Variants in CLASP1 observed in about 807,000 individuals in gnomAD.
The protein encoded by CLASP1 is CLIP-associating protein 1.
A neutral mutation model predicts 192.3 loss-of-function variants in CLASP1; 38 were observed. The ratio of observed to expected loss-of-function variants is 0.20; its 90% CI spans 0.15 to 0.26. The LOEUF (loss-of-function observed/expected upper bound fraction) is 0.26. CLASP1 is among the 10% of genes least tolerant of loss of function. The pLI is 1.00. For synonymous variants in CLASP1, 691 were observed against 712.8 expected, an observed-to-expected ratio of 0.97 and a Z score of 0.49; for missense variants, 1,433 against 1,932.5, an observed-to-expected ratio of 0.74 and a Z score of 4.85.
chr2:121,517,395 A>G (rs2094327891), intron 6 of CLASP1, among the ~76,000 whole-genome samples: 1 of 152,236 alleles, frequency 6.6e-6, no homozygotes, highest in South Asian at 2.1e-4. Context: ...ACAGTGTTAC[A>G]TGACAGGTAA....
intron 33 of CLASP1, among the ~76,000 whole-genome samples, chr2:121,379,167 CCCAG>C (rs2071002056): frequency 6.6e-6 from 1 of 151,034 alleles, no homozygotes. Context: ...GCAAATATGG[CCCAG>C]ATAAAACCCA....
In CLASP1 at chr2:121,529,986, G is replaced by A. The variant is rs931695524; in HGVS notation, c.274+261C>T. 2.6e-4 allele frequency among the ~76,000 whole-genome samples: 39 copies of A among 152,326 alleles called. 1 individual carries two copies. The highest frequency in any genetic ancestry group is 6.8e-3 in the Middle Eastern group (2 of 294). On this transcript the variant is annotated intron_variant, in intron 3 of 39. Transcript: ENST00000263710. Reference sequence around the variant, plus strand: ...GTGAAGCCAGTACAAAGGTATGGGGGAGGGTAAGGGCGCCCGCAGGCCCAG... The same window carrying A: ...GTGAAGCCAGTACAAAGGTATGGGGAAGGGTAAGGGCGCCCGCAGGCCCAG...
chr2:121,648,261 G>T (rs1161872430), intron 1 of CLASP1, among the ~76,000 whole-genome samples: 2 of 152,136 alleles, frequency 1.3e-5, no homozygotes, highest in Non-Finnish European at 2.9e-5. Context: ...CCCAAATAGG[G>T]TCCAAGGTAC....
chr2:121,371,131 C>G (rs2068588899), intron 34 of CLASP1, among the ~76,000 whole-genome samples: 1 of 152,146 alleles, frequency 6.6e-6, no homozygotes, highest in Non-Finnish European at 1.5e-5. Flanking sequence ...AGTGTTAACA[C>G]TGGTTATCTC....
At chr2:121,638,753 C>A (rs180797990) in intron 1 of CLASP1, among the ~76,000 whole-genome samples, 18 of 151,640 alleles carry the variant, frequency 1.2e-4, no homozygotes, top group Non-Finnish European at 1.9e-4. Context: ...CTGCAACCTC[C>A]GCCTCCCAGG....
intron 37 of CLASP1, among the ~76,000 whole-genome samples, chr2:121,356,205 C>A (rs528251466): frequency 6.6e-6 from 1 of 151,980 alleles, no homozygotes. Flanking sequence ...TTCATAGCAG[C>A]GTCTTGAGCT....
chr2:121,401,562 T>C, exon 28 of CLASP1: 1 of 1,613,634 alleles, frequency 6.2e-7, no homozygotes, highest in Non-Finnish European at 8.5e-7. Flanking sequence ...CAAGTAAATC[T>C]GCTCCCATTT....
intron 1 of CLASP1, among the ~76,000 whole-genome samples, chr2:121,608,630 C>A (rs2064774874): frequency 6.6e-6 from 1 of 152,054 alleles, no homozygotes; most frequent in South Asian, 2.1e-4. Context: ...GCAGTTATGC[C>A]AGTAAGTGTA....
intron 30 of CLASP1, among the ~76,000 whole-genome samples, chr2:121,395,051 G>A (rs777605064): frequency 9.2e-5 from 14 of 152,162 alleles, no homozygotes; most frequent in East Asian, 1.9e-4. Flanking sequence ...ATGGCTGCCC[G>A]TTGACAATGA....
At chr2:121,410,218 C>A (rs1320234812) in intron 24 of CLASP1, among the ~76,000 whole-genome samples, 1 of 152,120 alleles carries the variant, frequency 6.6e-6, no homozygotes, top group African/African-American at 2.4e-5. Flanking sequence ...AGCTGAAATG[C>A]ATCTTTAAAA....
intron 2 of CLASP1, among the ~76,000 whole-genome samples, chr2:121,592,680 G>C (rs907954642): frequency 6.6e-6 from 1 of 152,026 alleles, no homozygotes; most frequent in African/African-American, 2.4e-5. Flanking sequence ...TTGAGACAGA[G>C]TCTCGCCGTC....
chr2:121,462,296 C>A (rs896575295), intron 10 of CLASP1, among the ~76,000 whole-genome samples: 18 of 150,920 alleles, frequency 1.2e-4, no homozygotes, highest in African/African-American at 4.1e-4. Flanking sequence ...TTTATGTGAC[C>A]TGATCCATAA....
chr2:121,643,707 G>C (rs1434273426), intron 1 of CLASP1, among the ~76,000 whole-genome samples: 1 of 152,228 alleles, frequency 6.6e-6, no homozygotes, highest in Non-Finnish European at 1.5e-5. Context: ...CCAGGAGTCT[G>C]AAATTGGGAG....
At chr2:121,526,466 A>G (rs765459168) in intron 5 of CLASP1, among the ~76,000 whole-genome samples, 5 of 152,194 alleles carry the variant, frequency 3.3e-5, no homozygotes, top group Non-Finnish European at 5.9e-5. Context: ...GTCATGACAA[A>G]TAGCCTTTGT....
At chr2:121,527,929 T>C in intron 4 of CLASP1, 39 bp from the exon 5 acceptor site, 1 of 1,522,514 alleles carries the variant, frequency 6.6e-7, no homozygotes, top group Admixed American at 1.7e-5. Context: ...AGGAGAAGAC[T>C]GCTGCAGCTG....
rs757181717 is a variant in CLASP1, at chr2:121,525,881, T to C, written c.510A>G (p.Pro170=). The C allele has an allele frequency of 2.5e-6, 4 of 1,613,628 alleles. No individual in the cohort carries two copies. In the African/African-American group the frequency reaches 4.0e-5, roughly 16 times the overall value. ...GATCTCCAAGTAAGTTGCATATATG[T>C]GGCACAATCTTGCTTAGTGTTAAAG... The change falls in exon 6 of 40, where the codon CCA becomes CCG. Residue 170 remains proline (P), a synonymous_variant. Coordinates refer to ENST00000263710, the Ensembl canonical transcript of CLASP1.
At chr2:121,380,939 C>G (rs1574072718) in intron 33 of CLASP1, among the ~76,000 whole-genome samples, 1 of 152,056 alleles carries the variant, frequency 6.6e-6, no homozygotes, top group South Asian at 2.1e-4. Context: ...GGTGGTGAAG[C>G]TGAGTGCCCA....
chr2:121,636,523 G>A (rs1316105098), intron 1 of CLASP1, among the ~76,000 whole-genome samples: 1 of 149,874 alleles, frequency 6.7e-6, no homozygotes, highest in Admixed American at 6.7e-5. Flanking sequence ...AAATTAGCAG[G>A]GTGAGGTGGC....
intron 1 of CLASP1, among the ~76,000 whole-genome samples, chr2:121,646,863 C>T (rs1467296554): frequency 6.6e-6 from 1 of 151,410 alleles, no homozygotes; most frequent in Non-Finnish European, 1.5e-5. Flanking sequence ...CGGTGAAACC[C>T]CGTCTCTACT....
Sources: gnomAD v4.1 joint callset for allele counts (sites outside exome capture counted in the v4.1 genomes callset) on GRCh38, gnomAD v4.1.1 for gene constraint, MANE v1.5 for transcripts, NCBI Gene and HGNC (gene_info 2026-07-23, HGNC 2026-07-21) for gene names.